C10orf90: variants seen among roughly 807,000 people sequenced by gnomAD.
C10orf90 encodes (E2-independent) E3 ubiquitin-conjugating enzyme FATS.
In C10orf90, 56 loss-of-function variants were observed where a neutral mutation model predicts 62.5. That is an observed-to-expected ratio of 0.90 (90% confidence interval 0.72 to 1.12). C10orf90 has a LOEUF of 1.12. Ranked by LOEUF, C10orf90 falls within the 50% of genes most tolerant of loss-of-function variation. C10orf90 has a pLI of 0.00. For missense variants in C10orf90, 970 were observed against 880.4 expected, an observed-to-expected ratio of 1.10 and a Z score of -1.29; for synonymous variants, 386 against 340.4, an observed-to-expected ratio of 1.13 and a Z score of -1.47.
At chr10:126,555,710 A>AAATAAATAAAT (rs5788793) in intron 2 of C10orf90, among the ~76,000 whole-genome samples, 12 of 150,382 alleles carry the variant, frequency 8.0e-5, no homozygotes, top group Non-Finnish European at 1.8e-4. Context: ...ATAAATAAAT[A>AAATAAATAAAT]AATAAATAAA....
Position 126,464,934 on chromosome 10 carries a change from A to G in C10orf90, c.1587T>C (p.Cys529=), listed in dbSNP as rs1447403396. The change falls in exon 5 of 10, where the codon TGT becomes TGC. Residue 529 remains cysteine, a synonymous_variant. Transcript: ENST00000488181. ...CCACTGGAGGAGCAGACACAGTCAT[A>G]CATACTTCTCCTTGTTGCCTCTTGC... ...GSSKRQQGEV[C]MTVSAPPVEQ... 1 of 1,602,880 alleles carries G rather than the reference A, an allele frequency of 6.2e-7. No homozygotes were observed. The highest frequency in any genetic ancestry group is 8.5e-7 in the Non-Finnish European group (1 of 1,170,288).
intron 2 of C10orf90, among the ~76,000 whole-genome samples, chr10:126,526,506 A>G (rs1056677722): frequency 6.6e-6 from 1 of 152,114 alleles, no homozygotes; most frequent in African/African-American, 2.4e-5. Context: ...GGCCTCCCAA[A>G]GTGCTGGGAT....
Position 126,459,106 on chromosome 10 carries a change from G to A in C10orf90, c.2122C>T (p.Gln708Ter), listed in dbSNP as rs763797786. The change falls in exon 7 of 10, where the codon CAG (glutamine) becomes TAG (stop). Residue 708 changes from glutamine (Q) to a stop codon, truncating the protein, a stop_gained. Coordinates refer to ENST00000488181, the MANE Select transcript of C10orf90 (RefSeq NM_001350921.2). LOFTEE classifies it high-confidence loss of function. ...CGGATGGGAAGGAGGCTCTGCTTCT[G>A]CCTCAGGTCCTCCTTCCGCTGGGCT... The part of the protein sequence containing the change: ...RKAQRKEDLR[Q>*]KQSLLPIRTS... The A allele has an allele frequency of 3.7e-6, 6 of 1,614,136 alleles. No homozygotes were observed. The South Asian group carries it at 4.4e-5, about 12-fold the overall frequency.
At chr10:126,487,205 C>T (rs185783288) in intron 4 of C10orf90, among the ~76,000 whole-genome samples, 1 of 133,520 alleles carries the variant, frequency 7.5e-6, no homozygotes, top group Non-Finnish European at 1.6e-5. Context: ...GTATAAAACA[C>T]ACCTAATCAG....
intron 7 of C10orf90, among the ~76,000 whole-genome samples, chr10:126,437,820 G>A (rs889254346): frequency 2.0e-5 from 3 of 152,180 alleles, no homozygotes; most frequent in Admixed American, 1.3e-4. Flanking sequence ...CCAGCTGCAG[G>A]GTCCCTGAGG....
intron 2 of C10orf90, among the ~76,000 whole-genome samples, chr10:126,625,182 C>A (rs1239446750): frequency 6.6e-6 from 1 of 152,164 alleles, no homozygotes; most frequent in Non-Finnish European, 1.5e-5. Context: ...CCCCGTCAGC[C>A]TCAAGCCCAC....
intron 2 of C10orf90, among the ~76,000 whole-genome samples, chr10:126,594,965 G>C (rs910645254): frequency 6.6e-6 from 1 of 152,146 alleles, no homozygotes; most frequent in Middle Eastern, 3.2e-3. Flanking sequence ...GAAGAGGAGA[G>C]ACATGATCAG....
In C10orf90 at chr10:126,626,496, T is replaced by A. The variant is rs80156175; in HGVS notation, c.313+20069A>T. ...TCAGTGCAAGAACCAAAGAGCCACC[T>A]GTCTTGCCTCGTGTGTGAAGGGCTT... On this transcript the variant is annotated intron_variant, in intron 2 of 9. Coordinates refer to ENST00000488181, the MANE Select transcript of C10orf90 (RefSeq NM_001350921.2). Among the ~76,000 whole-genome samples the A allele has an allele frequency of 5.3e-3, 814 of 152,330 alleles. 11 individuals carry two copies. The highest frequency in any genetic ancestry group is 0.018 in the African/African-American group (733 of 41,578).
At chr10:126,560,396 A>G (rs547092878) in intron 2 of C10orf90, among the ~76,000 whole-genome samples, 73 of 152,190 alleles carry the variant, frequency 4.8e-4, no homozygotes, top group Non-Finnish European at 7.6e-4. Context: ...GGTGAATAAT[A>G]AGCTGCCGAC....
intron 2 of C10orf90, among the ~76,000 whole-genome samples, chr10:126,586,000 C>T (rs1844862607): frequency 6.6e-6 from 1 of 152,216 alleles, no homozygotes; most frequent in South Asian, 2.1e-4. Flanking sequence ...GATTACTGAA[C>T]AGAGAAGCGA....
intron 2 of C10orf90, among the ~76,000 whole-genome samples, chr10:126,555,511 CAA>C (rs10541392): frequency 0.75 from 111,400 of 148,140 alleles, 41,754 homozygotes; most frequent in Middle Eastern, 0.8. Flanking sequence ...CTGTGTCTAC[CAA>C]AAAAAAAAAC....
At chr10:126,481,523 T>C (rs1438148220) in intron 4 of C10orf90, among the ~76,000 whole-genome samples, 1 of 152,096 alleles carries the variant, frequency 6.6e-6, no homozygotes, top group Non-Finnish European at 1.5e-5. Context: ...TGAGACAGAG[T>C]CCACATCCCA....
chr10:126,623,325 C>T (rs1314533392), intron 2 of C10orf90, among the ~76,000 whole-genome samples: 1 of 152,170 alleles, frequency 6.6e-6, no homozygotes, highest in African/African-American at 2.4e-5. Context: ...CATACATGTC[C>T]AGGCCTCAGA....
chr10:126,473,955 G>A (rs1860726307), intron 4 of C10orf90, among the ~76,000 whole-genome samples: 1 of 152,116 alleles, frequency 6.6e-6, no homozygotes. Flanking sequence ...AGGTTTCATT[G>A]CAGTGAAGAA....
At chr10:126,618,170 T>C (rs1009903197) in intron 2 of C10orf90, among the ~76,000 whole-genome samples, 4 of 152,216 alleles carry the variant, frequency 2.6e-5, no homozygotes, top group Admixed American at 1.3e-4. Context: ...TACAATCTTA[T>C]ATTGATGCAC....
At chr10:126,530,656 T>G (rs11245020) in intron 2 of C10orf90, among the ~76,000 whole-genome samples, 10,415 of 151,880 alleles carry the variant, frequency 0.069, 1,179 homozygotes, top group African/African-American at 0.23. Context: ...AGGGATAGAA[T>G]AAGATAGAAT....
intron 2 of C10orf90, among the ~76,000 whole-genome samples, chr10:126,548,491 C>T (rs995334465): frequency 6.6e-6 from 1 of 152,096 alleles, no homozygotes; most frequent in Non-Finnish European, 1.5e-5. Flanking sequence ...CTCTGCCTCC[C>T]CAGTAGCTGG....
intron 2 of C10orf90, among the ~76,000 whole-genome samples, chr10:126,624,541 T>C (rs1205912084): frequency 6.6e-6 from 1 of 152,148 alleles, no homozygotes; most frequent in Non-Finnish European, 1.5e-5. Flanking sequence ...AGAACCAGAC[T>C]TGGAACTTAG....
At chr10:126,641,927 T>C (rs1226602848) in intron 2 of C10orf90, among the ~76,000 whole-genome samples, 1 of 152,286 alleles carries the variant, frequency 6.6e-6, no homozygotes, top group South Asian at 2.1e-4. Flanking sequence ...TCTTGGAATT[T>C]CCAGTGACTG....
Sources: allele counts gnomAD v4.1 joint callset (sites outside exome capture counted in the v4.1 genomes callset), GRCh38; gene constraint gnomAD v4.1.1; transcripts MANE v1.5; gene names NCBI Gene and HGNC (gene_info 2026-07-23, HGNC 2026-07-21).